Variants in RAD51B observed in about 807,000 individuals in gnomAD.
RAD51B encodes DNA repair protein RAD51 homolog 2.
A neutral mutation model predicts 42.2 loss-of-function variants in RAD51B; 38 were observed. The observed-to-expected ratio is 0.90, with a 90% CI of 0.70 to 1.18. The LOEUF (loss-of-function observed/expected upper bound fraction) is 1.18. Ranked by LOEUF, RAD51B falls within the 50% of genes most tolerant of loss-of-function variation. RAD51B has a pLI of 0.00. For synonymous variants in RAD51B, 154 were observed against 145.2 expected (o/e 1.06, Z -0.43); for missense variants, 373 against 400.7 (o/e 0.93, Z 0.59).
chr14:68,256,059 C>G (rs952376941), intron 7 of RAD51B, among the ~76,000 whole-genome samples: 1 of 152,132 alleles, frequency 6.6e-6, no homozygotes, highest in Non-Finnish European at 1.5e-5. Context: ...TCATCTGGAT[C>G]CAGGATATTA....
At chr14:68,458,262 T>A (rs1046012488) in intron 9 of RAD51B, among the ~76,000 whole-genome samples, 1 of 152,218 alleles carries the variant, frequency 6.6e-6, no homozygotes, top group Admixed American at 6.5e-5. Context: ...TGGGTTCAAG[T>A]AATAAAATGT....
intron 10 of RAD51B, among the ~76,000 whole-genome samples, chr14:68,590,844 G>C (rs538374405): frequency 2.0e-5 from 3 of 152,280 alleles, no homozygotes; most frequent in South Asian, 4.1e-4. Flanking sequence ...GCTGACCATG[G>C]GTGGCGGGGC....
intron 10 of RAD51B, among the ~76,000 whole-genome samples, chr14:68,548,387 C>T (rs878966455): frequency 1.3e-5 from 2 of 152,288 alleles, no homozygotes; most frequent in South Asian, 4.2e-4. Flanking sequence ...TGCTATTCAT[C>T]TTGTTTAGTG....
chr14:68,267,756 A>G (rs2081021231), intron 7 of RAD51B, among the ~76,000 whole-genome samples: 1 of 152,232 alleles, frequency 6.6e-6, no homozygotes, highest in Admixed American at 6.5e-5. Flanking sequence ...GATATATCTG[A>G]GTTAACATCA....
At chr14:68,429,258 G>A (rs2084938145) in intron 9 of RAD51B, among the ~76,000 whole-genome samples, 1 of 152,058 alleles carries the variant, frequency 6.6e-6, no homozygotes, top group South Asian at 2.1e-4. Flanking sequence ...ATAATCCTTT[G>A]GGTATATACC....
chr14:67,936,142 CT>C (rs932103495), intron 7 of RAD51B, among the ~76,000 whole-genome samples: 1 of 152,016 alleles, frequency 6.6e-6, no homozygotes, highest in Non-Finnish European at 1.5e-5. Flanking sequence ...ATATAGGGTT[CT>C]TTTTTTAGCA....
At chr14:68,481,188 A>G (rs1883150584), downstream of RAD51B, among the ~76,000 whole-genome samples, 1 of 152,158 alleles carries the variant, frequency 6.6e-6, no homozygotes, top group Non-Finnish European at 1.5e-5. Flanking sequence ...ATAGGTGAGG[A>G]AAATATATTA....
chr14:68,054,261 G>A lies in RAD51B; in HGVS notation c.756+167057G>A, dbSNP rs146561018. On this transcript the variant is annotated intron_variant, in intron 7 of 10. Coordinates refer to ENST00000471583, the MANE Select transcript of RAD51B (RefSeq NM_133510.4). ...CACTTGTCATGCCTCTTAATCTTTA[G>A]TCTGGAACAATTTATTCTTTGTCCC... 6.9e-4 allele frequency among the ~76,000 whole-genome samples: 105 copies of A among 152,140 alleles called. 1 individual carries two copies. The highest frequency in any genetic ancestry group is 1.2e-3 in the Non-Finnish European group (84 of 67,972).
intron 7 of RAD51B, among the ~76,000 whole-genome samples, chr14:68,228,815 C>T (rs1348049047): frequency 6.6e-6 from 1 of 152,184 alleles, no homozygotes; most frequent in Non-Finnish European, 1.5e-5. Flanking sequence ...CCCTCACATG[C>T]AATTTATCCT....
chr14:68,284,977 C>T (rs1039233158), intron 7 of RAD51B, among the ~76,000 whole-genome samples: 6 of 152,196 alleles, frequency 3.9e-5, no homozygotes, highest in African/African-American at 1.4e-4. Context: ...TTCTCACTCT[C>T]TTCCTTCTGC....
chr14:68,209,972 T>G (rs572748021), intron 7 of RAD51B, among the ~76,000 whole-genome samples: 26 of 151,970 alleles, frequency 1.7e-4, no homozygotes, highest in African/African-American at 6.3e-4. Context: ...TTTTTTTTTT[T>G]TTTTTGAGAC....
intron 7 of RAD51B, among the ~76,000 whole-genome samples, chr14:68,027,350 T>C (rs1482993732): frequency 2.6e-5 from 4 of 152,156 alleles, no homozygotes; most frequent in African/African-American, 9.7e-5. Flanking sequence ...GGTATCTAGC[T>C]GAGCTTCTCT....
chr14:68,273,978 A>G (rs990986526), intron 7 of RAD51B, among the ~76,000 whole-genome samples: 9 of 152,168 alleles, frequency 5.9e-5, no homozygotes, highest in African/African-American at 2.2e-4. Context: ...ATCTAGTAAT[A>G]GTATAGATTT....
In RAD51B at chr14:68,143,365, T is replaced by G. The variant is rs1418053251; in HGVS notation, c.757-148519T>G. ...AAGGAAATGATACATGGCAGAGTCC[T>G]GAATGACCAAAATGGACTTTGTCCA... is the stretch of plus-strand genomic sequence containing the variant. On this transcript the variant is annotated intron_variant, in intron 7 of 10. Transcript: ENST00000471583. Among the ~76,000 whole-genome samples, 3 of 152,208 alleles carry G rather than the reference T, an allele frequency of 2.0e-5. No homozygotes were observed. The East Asian group carries it at 5.8e-4, about 29-fold the overall frequency.
chr14:67,960,157 A>G (rs2074634715), intron 7 of RAD51B, among the ~76,000 whole-genome samples: 1 of 152,132 alleles, frequency 6.6e-6, no homozygotes, highest in African/African-American at 2.4e-5. Context: ...ATAACGTTCT[A>G]TGTTAAGTGT....
chr14:68,154,024 C>T (rs959125149), intron 7 of RAD51B, among the ~76,000 whole-genome samples: 2 of 151,924 alleles, frequency 1.3e-5, no homozygotes, highest in South Asian at 4.1e-4. Context: ...ATACAAAGCA[C>T]CTTGTCTGCT....
chr14:67,870,032 G>A (rs1193096713), intron 5 of RAD51B, among the ~76,000 whole-genome samples: 38 of 150,972 alleles, frequency 2.5e-4, no homozygotes, highest in African/African-American at 8.8e-4. Context: ...ATCAACTAAT[G>A]AGCAAAATAA....
intron 7 of RAD51B, among the ~76,000 whole-genome samples, chr14:67,972,800 G>A (rs932803804): frequency 1.3e-5 from 2 of 151,972 alleles, no homozygotes; most frequent in African/African-American, 4.8e-5. Flanking sequence ...ATTGGGAACC[G>A]TTTGAACAAA....
At chr14:67,820,239 G>C (rs2140266221) in intron 1 of RAD51B, among the ~76,000 whole-genome samples, 1 of 152,234 alleles carries the variant, frequency 6.6e-6, no homozygotes, top group South Asian at 2.1e-4. Context: ...TCTGGAGTCC[G>C]GTCCCTGGAT....
Sources: gnomAD v4.1 joint callset for allele counts (sites outside exome capture counted in the v4.1 genomes callset) on GRCh38, gnomAD v4.1.1 for gene constraint, MANE v1.5 for transcripts, NCBI Gene and HGNC (gene_info 2026-07-23, HGNC 2026-07-21) for gene names.